IQCH: variants seen among roughly 807,000 people sequenced by gnomAD.
IQCH encodes IQ domain-containing protein H.
In IQCH, 98 loss-of-function variants were observed where a neutral mutation model predicts 117.0. The observed-to-expected ratio is 0.84, with a 90% CI of 0.71 to 0.99. The LOEUF (loss-of-function observed/expected upper bound fraction) is 0.99. Among genes scored for constraint, IQCH ranks in the 50% least tolerant of loss-of-function variants. The probability of loss-of-function intolerance (pLI) is 0.00; values close to 1 mark genes in which losing one functional copy is unlikely to be tolerated. For missense variants in IQCH, 1,102 were observed against 1,243.8 expected, an observed-to-expected ratio of 0.89 and a Z score of 1.72; for synonymous variants, 412 against 448.2, an observed-to-expected ratio of 0.92 and a Z score of 1.02.
rs551695485 is a variant in IQCH, at chr15:67,389,128, C to T, written c.1632+122C>T. Reference sequence around the variant, plus strand: ...TATTATTGCAAGTTTAACAGCTTTACTGATTAGACTACTAGTTGGTCTGTA... The same window carrying T: ...TATTATTGCAAGTTTAACAGCTTTATTGATTAGACTACTAGTTGGTCTGTA... On this transcript the variant is annotated intron_variant, in intron 12 of 20. Coordinates refer to ENST00000335894, the MANE Select transcript of IQCH (RefSeq NM_001031715.3). 17 of 723,532 alleles carry T rather than the reference C, an allele frequency of 2.3e-5. No individual in the cohort carries two copies. In the East Asian group the frequency reaches 4.2e-4, roughly 18 times the overall value. 44.8% of individuals were successfully genotyped at this position (723,532 alleles called of 1,614,324 possible).
intron 3 of IQCH, among the ~76,000 whole-genome samples, chr15:67,270,732 C>G (rs1965862891): frequency 1.3e-5 from 2 of 152,140 alleles, no homozygotes; most frequent in South Asian, 4.1e-4. Context: ...GAAGCAGATG[C>G]TAGCACTATG....
chr15:67,346,279 A>C (rs1350490524), intron 6 of IQCH, among the ~76,000 whole-genome samples: 1 of 152,160 alleles, frequency 6.6e-6, no homozygotes, highest in Non-Finnish European at 1.5e-5. Flanking sequence ...TAAATCCAGA[A>C]TTATATCTCA....
intron 4 of IQCH, among the ~76,000 whole-genome samples, chr15:67,326,920 A>T (rs918546828): frequency 3.3e-5 from 5 of 152,198 alleles, no homozygotes; most frequent in Non-Finnish European, 7.3e-5. Flanking sequence ...GTTTTTGAAC[A>T]TCGTTGTCAA....
chr15:67,419,400 C>T (rs1017052828), intron 15 of IQCH, among the ~76,000 whole-genome samples: 4 of 152,174 alleles, frequency 2.6e-5, no homozygotes, highest in Admixed American at 2.6e-4. Context: ...TCCCAGGTTT[C>T]CCAACTCTAA....
intron 4 of IQCH, among the ~76,000 whole-genome samples, chr15:67,315,273 C>T (rs571522125): frequency 1.6e-4 from 25 of 152,104 alleles, no homozygotes; most frequent in African/African-American, 4.8e-4. Context: ...ACAGGGAAAC[C>T]GACTAAGGTA....
intron 1 of IQCH, among the ~76,000 whole-genome samples, chr15:67,259,868 G>A (rs1965387323): frequency 6.6e-6 from 1 of 152,220 alleles, no homozygotes; most frequent in African/African-American, 2.4e-5. Context: ...CAAGCAGTAG[G>A]TGTATTCAGA....
chr15:67,316,985 G>C (rs368240382), intron 4 of IQCH, among the ~76,000 whole-genome samples: 1 of 152,128 alleles, frequency 6.6e-6, no homozygotes, highest in African/African-American at 2.4e-5. Flanking sequence ...AAAGATCAGA[G>C]TATTTAATAA....
At position 67,279,507 on chromosome 15, in the gene IQCH, G is replaced by A. The variant is rs199754249; in HGVS notation, c.382G>A (p.Ala128Thr). 1 of 1,573,594 alleles carries A rather than the reference G, an allele frequency of 6.4e-7. No homozygotes were observed. The highest frequency in any genetic ancestry group is 8.7e-7 in the Non-Finnish European group (1 of 1,148,622). The change falls in exon 4 of 21, where the codon GCA becomes ACA. Residue 128 changes from alanine (A) to threonine (T), a missense_variant. By Grantham distance (58) the Ala-to-Thr change is moderately conservative. This residue lies in a region of IQCH where 452 missense variants were observed against 449.6 expected (regional missense o/e 1.01). Transcript: ENST00000335894. ...TTCATCTCTGCCTGTCTTTCCAAGA[G>A]CAAAGGTAGGTATAGAGAAATTCAT... The part of the protein sequence containing the change: ...HSSSLPVFPR[A>T]KIKVSKLIKG...
intron 4 of IQCH, among the ~76,000 whole-genome samples, chr15:67,316,667 A>G (rs1051682104): frequency 2.0e-5 from 3 of 152,176 alleles, no homozygotes; most frequent in Non-Finnish European, 4.4e-5. Flanking sequence ...CTTCACAGTA[A>G]CCCTAAGAGG....
chr15:67,280,026 A>C (rs915495427), intron 4 of IQCH, among the ~76,000 whole-genome samples: 7 of 152,160 alleles, frequency 4.6e-5, no homozygotes, highest in African/African-American at 1.4e-4. Flanking sequence ...AAAAAAAAAA[A>C]TGTGAATTTT....
chr15:67,366,985 A>G lies in IQCH; in HGVS notation c.754-5126A>G, dbSNP rs1444307175. Among the ~76,000 whole-genome samples, 6 of 152,134 alleles carry G rather than the reference A, an allele frequency of 3.9e-5. No homozygotes were observed. On this transcript the variant is annotated intron_variant, in intron 8 of 20. Transcript: ENST00000335894. This position sits in a 1 kb window ranked among gnomAD's most constrained non-coding sequence, Gnocchi z 4.4. ...TTGATTTGATGGCTTTACTGGCTCC[A>G]GAAGTTTATTAAAAAGCCAATACCC...
At chr15:67,288,545 T>C (rs1285495932) in intron 4 of IQCH, among the ~76,000 whole-genome samples, 1 of 152,112 alleles carries the variant, frequency 6.6e-6, no homozygotes, top group African/African-American at 2.4e-5. Context: ...GAAATCTATT[T>C]TGTCTGGTAT....
Position 67,340,426 on chromosome 15 carries a change from C to CAAAA in IQCH, c.508+3366_508+3369dup, listed in dbSNP as rs57244130. On this transcript the variant is annotated intron_variant, in intron 5 of 20. Coordinates refer to ENST00000335894, the MANE Select transcript of IQCH (RefSeq NM_001031715.3). The stretch of plus-strand genomic sequence containing the variant: ...TGGGCAACAGAGAGATACTCCATCT[C>CAAAA]AAAAAAAAAAAAAAAAAAAAAAAAA... Among the ~76,000 whole-genome samples, 9 of 62,658 alleles carry CAAAA rather than the reference C, an allele frequency of 1.4e-4. 1 individual carries two copies. The highest frequency in any genetic ancestry group is 2.9e-4 in the Admixed American group (1 of 3,482). The allele number at this position is 62,658 out of a possible 152,430, so 41.1% of individuals were successfully genotyped here.
intron 20 of IQCH, among the ~76,000 whole-genome samples, chr15:67,498,590 T>C (rs182602166): frequency 4.7e-5 from 7 of 148,564 alleles, no homozygotes; most frequent in Non-Finnish European, 8.9e-5. Flanking sequence ...CACTCCAGCC[T>C]GGGCGACAGA....
At chr15:67,349,316 TG>T (rs1311424077) in intron 6 of IQCH, among the ~76,000 whole-genome samples, 2 of 151,886 alleles carry the variant, frequency 1.3e-5, no homozygotes, top group Non-Finnish European at 2.9e-5. Flanking sequence ...GTTAAGAAAA[TG>T]AAAAGAAAAG....
chr15:67,261,519 G>A (rs2140431300), intron 2 of IQCH, 125 bp downstream of exon 2: 1 of 704,318 alleles, frequency 1.4e-6, no homozygotes, highest in Non-Finnish European at 2.3e-6. Flanking sequence ...GCAGTCGTCA[G>A]CATTCTTGTT....
Position 67,372,154 on chromosome 15 carries a change from G to A in IQCH, c.797G>A (p.Trp266Ter), listed in dbSNP as rs1970555972. The A allele has an allele frequency of 6.2e-7, 1 of 1,613,150 alleles. No homozygotes were observed. The highest frequency in any genetic ancestry group is 8.5e-7 in the Non-Finnish European group (1 of 1,179,688). The stretch of plus-strand genomic sequence containing the variant: ...CCTTTGAGAGCCCTGAAATCACTGT[G>A]GGATTATGACTTTTTAATTTATGAT... Reference protein sequence around the residue: ...KTPLRALKSLWDYDFLIYDGV... With the variant: ...KTPLRALKSL The change falls in exon 9 of 21, where the codon TGG becomes TAG. Residue 266 changes from tryptophan (W) to a stop codon, truncating the protein, a stop_gained. Coordinates refer to ENST00000335894, the MANE Select transcript of IQCH (RefSeq NM_001031715.3). LOFTEE classifies it high-confidence loss of function.
At chr15:67,282,102 C>G (rs7161879) in intron 4 of IQCH, 106,672 of 158,000 alleles carry the variant, frequency 0.68, 36,657 homozygotes, top group Middle Eastern at 0.82. Flanking sequence ...TAAGATACCA[C>G]CAGATAATGA....
rs774937865 is a variant in IQCH at position 67,500,701 on chromosome 15, G to T, written c.3039G>T (p.Glu1013Asp). 1 of 1,603,348 alleles carries T rather than the reference G, an allele frequency of 6.2e-7. No homozygotes were observed. Among genetic ancestry groups the T allele is most frequent in the Non-Finnish European group, 8.5e-7 (1 of 1,172,768 alleles). Residue 1013 changes from glutamate (E) to aspartate (D), a missense_variant, in exon 21 of 21, where the codon GAG becomes GAT. By Grantham distance (45) the Glu-to-Asp change is conservative. This residue lies in a region of IQCH where 650 missense variants were observed against 794.3 expected (regional missense o/e 0.82). Transcript: ENST00000335894. The surrounding 1 kb of genome is among the most constrained non-coding windows in gnomAD (Gnocchi z 4.4). Reference protein sequence around the residue: ...TKENKMRFEEEQQSKDDKNLS... With the variant: ...TKENKMRFEEDQQSKDDKNLS... ...AAAACAAAATGAGATTTGAAGAGGA[G>T]CAACAGTCCAAAGATGATAAAAACC...
Sources: gnomAD v4.1 joint callset for allele counts (sites outside exome capture counted in the v4.1 genomes callset) on GRCh38, gnomAD v4.1.1 for gene constraint, gnomAD v4.1.1 regional missense constraint, Gnocchi (gnomAD v3.1) non-coding constraint, MANE v1.5 for transcripts, NCBI Gene and HGNC (gene_info 2026-07-23, HGNC 2026-07-21) for gene names.